Variants in CCNY observed in about 807,000 individuals in gnomAD.
The protein encoded by CCNY is cyclin Y.
CCNY carries 19 observed loss-of-function variants against 42.8 expected under a neutral mutation model. That is an observed-to-expected ratio of 0.44 (90% CI 0.31 to 0.65). The LOEUF (loss-of-function observed/expected upper bound fraction) is 0.65. Ranked by LOEUF, CCNY falls within the 30% of genes least tolerant of loss-of-function variation. The pLI is 0.07. For missense variants in CCNY, 370 were observed against 437.3 expected, an observed-to-expected ratio of 0.85 and a Z score of 1.37; for synonymous variants, 165 against 162.7, an observed-to-expected ratio of 1.01 and a Z score of -0.11.
At chr10:35,499,498 T>C (rs1266916815) in intron 2 of CCNY, among the ~76,000 whole-genome samples, 1 of 152,230 alleles carries the variant, frequency 6.6e-6, no homozygotes, top group African/African-American at 2.4e-5. Flanking sequence ...ATCAGCTTTC[T>C]TGGTCGGACT....
intron 3 of CCNY, among the ~76,000 whole-genome samples, chr10:35,317,446 T>C (rs1835773736): frequency 6.6e-6 from 1 of 152,208 alleles, no homozygotes; most frequent in African/African-American, 2.4e-5. Flanking sequence ...CCAGGGTCCT[T>C]GCATGACCAA....
intron 3 of CCNY, among the ~76,000 whole-genome samples, chr10:35,501,837 A>G (rs1396202874): frequency 6.6e-6 from 1 of 152,124 alleles, no homozygotes; most frequent in African/African-American, 2.4e-5. Flanking sequence ...TTAATTTTGA[A>G]TCCTTTCCTT....
At chr10:35,496,016 TC>T (rs1839996413) in intron 2 of CCNY, among the ~76,000 whole-genome samples, 1 of 152,248 alleles carries the variant, frequency 6.6e-6, no homozygotes, top group African/African-American at 2.4e-5. Flanking sequence ...CAAGGCCTGA[TC>T]TGTGCTACCC....
intron 1 of CCNY, among the ~76,000 whole-genome samples, chr10:35,340,098 G>T (rs1836142907): frequency 6.6e-6 from 1 of 152,194 alleles, no homozygotes; most frequent in South Asian, 2.1e-4. Flanking sequence ...AGAACTCACA[G>T]TAACCCTATG....
At chr10:35,340,407 AAATGTGAGGAGACC>A (rs1371312218) in intron 1 of CCNY, among the ~76,000 whole-genome samples, 3 of 152,158 alleles carry the variant, frequency 2.0e-5, no homozygotes, top group South Asian at 2.1e-4. Context: ...AGAGAATTTA[AAATGTGAGGAGACC>A]AAATAAATCA....
chr10:35,418,865 G>A (rs1443567543), intron 1 of CCNY, among the ~76,000 whole-genome samples: 2 of 152,006 alleles, frequency 1.3e-5, no homozygotes, highest in Non-Finnish European at 2.9e-5. Flanking sequence ...TCTGTCACCA[G>A]GCTGGAGTGC....
intron 1 of CCNY, among the ~76,000 whole-genome samples, chr10:35,481,056 A>G (rs1839657185): frequency 6.6e-6 from 1 of 152,224 alleles, no homozygotes; most frequent in Non-Finnish European, 1.5e-5. Flanking sequence ...ATATTGGTGT[A>G]TATTCTTTTG....
intron 2 of CCNY, among the ~76,000 whole-genome samples, chr10:35,484,355 T>A (rs1839739625): frequency 6.6e-6 from 1 of 152,164 alleles, no homozygotes. Context: ...TCAGTAACGA[T>A]TAGGTAACAA....
chr10:35,288,983 C>A (rs977332681), intron 3 of CCNY, among the ~76,000 whole-genome samples: 2 of 152,078 alleles, frequency 1.3e-5, no homozygotes, highest in African/African-American at 4.8e-5. Context: ...TTTCAAAAAT[C>A]CTTCTGAGAC....
chr10:35,334,840 C>T (rs1835991519), upstream of CCNY, among the ~76,000 whole-genome samples: 1 of 152,172 alleles, frequency 6.6e-6, no homozygotes, highest in South Asian at 2.1e-4. Flanking sequence ...GCCGTTCACA[C>T]GATGTCCACA....
chr10:35,254,690 T>G (rs963125303), intron 3 of CCNY, among the ~76,000 whole-genome samples: 45 of 151,786 alleles, frequency 3.0e-4, no homozygotes, highest in African/African-American at 1.0e-3. Context: ...TAGCCAGACA[T>G]GGTGGACTGA....
At chr10:35,406,225 A>G (rs1173754729) in intron 1 of CCNY, among the ~76,000 whole-genome samples, 2 of 109,702 alleles carry the variant, frequency 1.8e-5, no homozygotes. Context: ...TTATTTATTT[A>G]TTTATTTATT....
intron 1 of CCNY, among the ~76,000 whole-genome samples, chr10:35,406,201 T>TTTTATTTTATTTATTTA (rs1554785131): frequency 8.0e-6 from 1 of 124,370 alleles, no homozygotes; most frequent in African/African-American, 3.2e-5. Context: ...TTCTTTTTTA[T>TTTTATTTTATTTATTTA]TTTATTTATT....
At chr10:35,481,710 A>C (rs1316994012) in intron 1 of CCNY, among the ~76,000 whole-genome samples, 1 of 152,204 alleles carries the variant, frequency 6.6e-6, no homozygotes, top group East Asian at 1.9e-4. Flanking sequence ...GGACATTAAA[A>C]GCATCCATCC....
intron 1 of CCNY, among the ~76,000 whole-genome samples, chr10:35,462,048 A>G (rs568077967): frequency 5.9e-5 from 9 of 152,274 alleles, no homozygotes; most frequent in Non-Finnish European, 8.8e-5. Context: ...AAGGCACTCA[A>G]TTCAGTACTG....
chr10:35,556,937 C>T (rs958402343), intron 8 of CCNY, among the ~76,000 whole-genome samples: 5 of 151,664 alleles, frequency 3.3e-5, no homozygotes, highest in South Asian at 2.1e-4. Context: ...CTTCGCTTCC[C>T]GGGTTCAAGC....
At chr10:35,450,635 C>T (rs1838895181) in intron 1 of CCNY, among the ~76,000 whole-genome samples, 1 of 151,458 alleles carries the variant, frequency 6.6e-6, no homozygotes, top group Non-Finnish European at 1.5e-5. Context: ...GGAGCTACAT[C>T]TTTATTTCTG....
At chr10:35,560,940 AG>A (rs1841453813) in intron 8 of CCNY, among the ~76,000 whole-genome samples, 1 of 152,146 alleles carries the variant, frequency 6.6e-6, no homozygotes, top group Non-Finnish European at 1.5e-5. Context: ...GCTCACTGGA[AG>A]CTGGGGGCCC....
intron 7 of CCNY, among the ~76,000 whole-genome samples, chr10:35,548,934 C>G (rs1404191103): frequency 1.3e-5 from 2 of 152,120 alleles, no homozygotes. Context: ...CCATAAAAAT[C>G]CAGGTTTTTA....
Sources: allele counts gnomAD v4.1 joint callset (sites outside exome capture counted in the v4.1 genomes callset), GRCh38; gene constraint gnomAD v4.1.1; transcripts MANE v1.5; gene names NCBI Gene and HGNC (gene_info 2026-07-23, HGNC 2026-07-21).